The following ATRNL1 variants were observed in gnomAD, a reference collection of about 807,000 sequenced individuals.
ATRNL1 encodes attractin-like protein 1.
ATRNL1 carries 95 observed loss-of-function variants against 182.7 expected under a neutral mutation model. That is an observed-to-expected ratio of 0.52 (90% CI 0.44 to 0.62). The LOEUF (loss-of-function observed/expected upper bound fraction) is 0.62. Ranked by LOEUF, ATRNL1 falls within the 20% of genes least tolerant of loss-of-function variation. The pLI is 0.00. For synonymous variants in ATRNL1, 576 were observed against 568.3 expected, an observed-to-expected ratio of 1.01 and a Z score of -0.19; for missense variants, 1,471 against 1,679.5, an observed-to-expected ratio of 0.88 and a Z score of 2.17.
At chr10:115,553,452 T>C (rs1337080568) in intron 26 of ATRNL1, among the ~76,000 whole-genome samples, 1 of 151,410 alleles carries the variant, frequency 6.6e-6, no homozygotes, top group African/African-American at 2.4e-5. Context: ...TGTAGAACTT[T>C]ACCACACTAC....
intron 18 of ATRNL1, among the ~76,000 whole-genome samples, chr10:115,333,644 C>T (rs34938864): frequency 0.23 from 34,915 of 151,736 alleles, 5,107 homozygotes; most frequent in Non-Finnish European, 0.33. Flanking sequence ...ACCACCATGC[C>T]CAGCTAATTT....
intron 27 of ATRNL1, among the ~76,000 whole-genome samples, chr10:115,735,076 T>TATG (rs1947908991): frequency 1.3e-5 from 2 of 152,356 alleles, no homozygotes; most frequent in South Asian, 4.1e-4. Flanking sequence ...TGTTGTATTA[T>TATG]ATGATCAATA....
Position 115,629,643 on chromosome 10 carries a change from G to T in ATRNL1, c.3795+80107G>T, listed in dbSNP as rs925282299. On this transcript the variant is annotated intron_variant, in intron 26 of 28. Transcript: ENST00000355044. ...CATATTGGAGACTGCAGAGCAGAGA[G>T]TCAAGACTGAACTGTCTTCTGATGG... Among the ~76,000 whole-genome samples, 116 of 152,260 alleles carry T rather than the reference G, an allele frequency of 7.6e-4. 1 individual carries two copies. Among genetic ancestry groups the T allele is most frequent in the Admixed American group, 4.1e-3 (63 of 15,286 alleles).
chr10:115,518,427 T>G (rs1270378887), intron 24 of ATRNL1, among the ~76,000 whole-genome samples: 2 of 152,000 alleles, frequency 1.3e-5, no homozygotes, highest in Admixed American at 6.6e-5. Context: ...GAAAACTCAC[T>G]TATATTGACA....
chr10:115,699,515 A>G (rs904514715), intron 26 of ATRNL1, among the ~76,000 whole-genome samples: 7 of 152,178 alleles, frequency 4.6e-5, no homozygotes, highest in Admixed American at 4.6e-4. Flanking sequence ...AAAACTTGAT[A>G]TGTGTCACTG....
At chr10:115,206,933 G>A (rs1255619575) in intron 8 of ATRNL1, among the ~76,000 whole-genome samples, 4 of 152,246 alleles carry the variant, frequency 2.6e-5, no homozygotes, top group South Asian at 2.1e-4. Context: ...GTGAGAACAT[G>A]CGGTGTTTGG....
chr10:115,223,274 C>T (rs1849541634), intron 9 of ATRNL1, among the ~76,000 whole-genome samples: 1 of 152,068 alleles, frequency 6.6e-6, no homozygotes, highest in Admixed American at 6.6e-5. Context: ...GAGACTCTGT[C>T]TCAAAAGACA....
At chr10:115,629,019 A>T (rs2133824650) in intron 26 of ATRNL1, among the ~76,000 whole-genome samples, 1 of 151,974 alleles carries the variant, frequency 6.6e-6, no homozygotes, top group East Asian at 1.9e-4. Context: ...TTCCATTTCT[A>T]TTTAATACCA....
At chr10:115,527,048 G>A (rs1358328323) in intron 25 of ATRNL1, among the ~76,000 whole-genome samples, 1 of 151,796 alleles carries the variant, frequency 6.6e-6, no homozygotes, top group African/African-American at 2.4e-5. Flanking sequence ...TAAAATGATG[G>A]ATTTCAGAGT....
At chr10:115,252,385 G>A (rs1554905599) in intron 10 of ATRNL1, among the ~76,000 whole-genome samples, 3 of 152,130 alleles carry the variant, frequency 2.0e-5, no homozygotes, top group Non-Finnish European at 4.4e-5. Flanking sequence ...GTCCCAGCAT[G>A]TACCTAGATG....
intron 26 of ATRNL1, among the ~76,000 whole-genome samples, chr10:115,715,555 G>A (rs1367420729): frequency 1.3e-5 from 2 of 152,180 alleles, no homozygotes; most frequent in Non-Finnish European, 2.9e-5. Context: ...CCCCCAAAGG[G>A]CATTGACCTG....
rs200440547 is a variant in ATRNL1, at chr10:115,127,571, A to T, written c.492-22A>T. 7.8e-5 allele frequency: 124 copies of T among 1,593,714 alleles called. 1 individual carries two copies. Among genetic ancestry groups the T allele is most frequent in the Non-Finnish European group, 9.4e-6 (11 of 1,167,440 alleles). On this transcript the variant is annotated intron_variant, in intron 3 of 28. Coordinates refer to ENST00000355044, the MANE Select transcript of ATRNL1 (RefSeq NM_207303.4). Reference sequence around the variant, plus strand: ...TCTTATGTATATCTATACATACAATATTCAGTTTTGTTCTCTTTTAGTGGT... The same window carrying T: ...TCTTATGTATATCTATACATACAATTTTCAGTTTTGTTCTCTTTTAGTGGT...
At chr10:115,685,830 T>C (rs1210332519) in intron 26 of ATRNL1, among the ~76,000 whole-genome samples, 1 of 151,806 alleles carries the variant, frequency 6.6e-6, no homozygotes, top group African/African-American at 2.4e-5. Context: ...TATTATATTT[T>C]GCATGTAATT....
rs184895093 is a variant in ATRNL1 at position 115,661,696 on chromosome 10, G to T, written c.3796-65552G>T. Among the ~76,000 whole-genome samples the T allele has an allele frequency of 3.9e-4, 60 of 152,196 alleles. No homozygotes were observed. The East Asian group carries it at 5.8e-3, about 15-fold the overall frequency. On this transcript the variant is annotated intron_variant, in intron 26 of 28. Transcript: ENST00000355044. ...TGTCATACTAAAATTTCAAACTTAA[G>T]ATCAGAAGTAATCTAGATTCTATAA...
At chr10:115,524,884 A>T (rs1173999906) in intron 25 of ATRNL1, among the ~76,000 whole-genome samples, 1 of 152,184 alleles carries the variant, frequency 6.6e-6, no homozygotes, top group African/African-American at 2.4e-5. Flanking sequence ...TCTGTGTCTA[A>T]TGGGAGTCAA....
intron 19 of ATRNL1, among the ~76,000 whole-genome samples, chr10:115,344,632 CTGTGTTAGTT>C (rs2134104445): frequency 6.6e-6 from 1 of 152,328 alleles, no homozygotes; most frequent in South Asian, 2.1e-4. Flanking sequence ...CCACCTGTGA[CTGTGTTAGTT>C]CCTAAGGTAC....
intron 10 of ATRNL1, among the ~76,000 whole-genome samples, chr10:115,256,799 C>G (rs1851161670): frequency 6.6e-6 from 1 of 152,166 alleles, no homozygotes; most frequent in Non-Finnish European, 1.5e-5. Flanking sequence ...CCTCTACACA[C>G]TGCTTTGAAT....
intron 20 of ATRNL1, among the ~76,000 whole-genome samples, chr10:115,404,226 A>C (rs1217721256): frequency 3.3e-5 from 5 of 152,126 alleles, no homozygotes; most frequent in African/African-American, 1.2e-4. Context: ...GTCCCTCAAA[A>C]CTATACTAGA....
Position 115,608,315 on chromosome 10 carries a change from G to A in ATRNL1, c.3795+58779G>A, listed in dbSNP as rs553895711. Among the ~76,000 whole-genome samples the A allele has an allele frequency of 8.3e-4, 126 of 152,018 alleles. 2 individuals are homozygous for A. The South Asian group carries it at 0.026, about 31-fold the overall frequency. On this transcript the variant is annotated intron_variant, in intron 26 of 28. Coordinates refer to ENST00000355044, the MANE Select transcript of ATRNL1 (RefSeq NM_207303.4). Reference sequence around the variant, plus strand: ...TACAAAGAGTCTTAAAGAGTAAAACGTACAATTCAGAAATCTGAACTCTGG... The same window carrying A: ...TACAAAGAGTCTTAAAGAGTAAAACATACAATTCAGAAATCTGAACTCTGG...
Sources: gnomAD v4.1 joint callset for allele counts (sites outside exome capture counted in the v4.1 genomes callset) on GRCh38, gnomAD v4.1.1 for gene constraint, MANE v1.5 for transcripts, NCBI Gene and HGNC (gene_info 2026-07-23, HGNC 2026-07-21) for gene names.